Variants in TTLL5 observed in about 807,000 individuals in gnomAD.
TTLL5 encodes tubulin polyglutamylase TTLL5.
A neutral mutation model predicts 168.4 loss-of-function variants in TTLL5; 132 were observed. That is an observed-to-expected ratio of 0.78 (90% CI 0.68 to 0.91). The LOEUF is 0.91. Among genes scored for constraint, TTLL5 ranks in the 40% least tolerant of loss-of-function variants. The pLI, the probability that TTLL5 is intolerant of heterozygous loss-of-function variation, is 0.00. For missense variants in TTLL5, 1,545 were observed against 1,581.5 expected, an observed-to-expected ratio of 0.98 and a Z score of 0.39; for synonymous variants, 546 against 558.6, an observed-to-expected ratio of 0.98 and a Z score of 0.32.
rs1264941240 is a variant in TTLL5, at chr14:75,826,858, G to GAA, written c.3326+6697_3326+6698insAA. On this transcript the variant is annotated intron_variant, in intron 28 of 31. Transcript: ENST00000298832. ...AGAACATTGATGATCCATATTTAAA[G>GAA]CTTACCTAGTATTGACTCAACAAAT... is the stretch of plus-strand genomic sequence containing the variant. Among the ~76,000 whole-genome samples, 3 of 152,096 alleles carry GAA rather than the reference G, an allele frequency of 2.0e-5. No homozygotes were observed. The East Asian group carries it at 5.8e-4, about 29-fold the overall frequency.
At chr14:75,780,268 G>A (rs989184359) in intron 24 of TTLL5, among the ~76,000 whole-genome samples, 9 of 152,094 alleles carry the variant, frequency 5.9e-5, no homozygotes, top group African/African-American at 9.7e-5. Context: ...ATTCTTTGTC[G>A]TGTGGGGCTG....
At chr14:75,727,023 C>G (rs373435630) in intron 12 of TTLL5, among the ~76,000 whole-genome samples, 1 of 152,266 alleles carries the variant, frequency 6.6e-6, no homozygotes, top group East Asian at 1.9e-4. Context: ...CTGCCTACCT[C>G]TATGTGACTG....
intron 15 of TTLL5, among the ~76,000 whole-genome samples, chr14:75,738,586 C>G (rs1033269471): frequency 2.0e-5 from 3 of 152,114 alleles, no homozygotes; most frequent in Non-Finnish European, 4.4e-5. Context: ...ATTCGAAACT[C>G]TATAATATGT....
At chr14:75,773,967 G>GAGAAAGAGAGAA (rs1566598271) in intron 21 of TTLL5, among the ~76,000 whole-genome samples, 3 of 101,564 alleles carry the variant, frequency 3.0e-5, no homozygotes, top group African/African-American at 1.2e-4. Context: ...AAGAGAGAGA[G>GAGAAAGAGAGAA]AGAGAGAGAG....
Position 75,766,203 on chromosome 14 carries a change from A to C in TTLL5, c.1850A>C (p.Lys617Thr). 6.2e-7 allele frequency: 1 copy of C among 1,614,088 alleles called. No individual in the cohort carries two copies. The highest frequency in any genetic ancestry group is 1.3e-5 in the African/African-American group (1 of 75,024). Residue 617 changes from lysine (K) to threonine (T), a missense_variant, in exon 20 of 32, where the codon AAA becomes ACA. Physicochemically the swap from Lys to Thr is moderately conservative, Grantham distance 78 (BLOSUM62 -1). Transcript: ENST00000298832. ...GGATTTCTTAGAGAAAATCAAGCCA[A>C]ATATACACCCTCATTGACAGCTTTG... ...SAGFLRENQA[K>T]YTPSLTALVE...
At chr14:75,918,149 C>T (rs1337935801) in intron 31 of TTLL5, among the ~76,000 whole-genome samples, 1 of 152,162 alleles carries the variant, frequency 6.6e-6, no homozygotes, top group African/African-American at 2.4e-5. Context: ...AATCTGTCCC[C>T]CTTTCAAAAA....
chr14:75,947,772 G>A (rs571518346), intron 31 of TTLL5, among the ~76,000 whole-genome samples: 2 of 151,886 alleles, frequency 1.3e-5, no homozygotes, highest in East Asian at 1.9e-4. Flanking sequence ...AAGTGAGACC[G>A]TCTCTCCAAA....
chr14:75,948,119 A>G (rs548278902), intron 31 of TTLL5, among the ~76,000 whole-genome samples: 1 of 152,192 alleles, frequency 6.6e-6, no homozygotes, highest in African/African-American at 2.4e-5. Context: ...TTCCTTGACC[A>G]TAACGCAATA....
At chr14:75,662,879 A>G (rs547542486) in intron 1 of TTLL5, among the ~76,000 whole-genome samples, 176 bp from the exon 2 acceptor site, 1 of 152,360 alleles carries the variant, frequency 6.6e-6, no homozygotes, top group African/African-American at 2.4e-5. Context: ...TTTTTGTGGC[A>G]TATTGAGGCA....
intron 3 of TTLL5, among the ~76,000 whole-genome samples, chr14:75,670,833 A>G (rs1883682567): frequency 6.6e-6 from 1 of 152,196 alleles, no homozygotes; most frequent in Admixed American, 6.5e-5. Flanking sequence ...TGATTTACAA[A>G]TATTCTTACT....
At chr14:75,873,792 T>C (rs1360033991) in intron 29 of TTLL5, among the ~76,000 whole-genome samples, 1 of 152,124 alleles carries the variant, frequency 6.6e-6, no homozygotes, top group Non-Finnish European at 1.5e-5. Context: ...TGTACAAATA[T>C]CTCTTATGTA....
At position 75,954,476 on chromosome 14, in the gene TTLL5, C is replaced by T. The variant is rs776011092; in HGVS notation, c.*30C>T. Reference sequence around the variant, plus strand: ...CAAACACACAGAGAAACAACCTGTTCACCACTCCTGGGTGCATGATTGAGG... The same window carrying T: ...CAAACACACAGAGAAACAACCTGTTTACCACTCCTGGGTGCATGATTGAGG... On this transcript the variant is annotated 3_prime_UTR_variant, in exon 32 of 32. Coordinates refer to ENST00000298832, the MANE Select transcript of TTLL5 (RefSeq NM_015072.5). 5.3e-5 allele frequency: 86 copies of T among 1,612,802 alleles called. No homozygotes were observed. Among genetic ancestry groups the T allele is most frequent in the Non-Finnish European group, 7.2e-5 (85 of 1,179,086 alleles).
At chr14:75,690,650 G>T (rs1307442899) in intron 6 of TTLL5, among the ~76,000 whole-genome samples, 3 of 150,432 alleles carry the variant, frequency 2.0e-5, no homozygotes, top group Non-Finnish European at 4.4e-5. Context: ...AAGAGACAGA[G>T]CCTCCCTCTG....
At chr14:75,739,413 A>G (rs1328660550) in intron 15 of TTLL5, among the ~76,000 whole-genome samples, 1 of 152,150 alleles carries the variant, frequency 6.6e-6, no homozygotes, top group Non-Finnish European at 1.5e-5. Context: ...GTAAAAAAAA[A>G]AATTTCTTTG....
chr14:75,754,492 C>G (rs936401068), intron 18 of TTLL5, among the ~76,000 whole-genome samples: 8 of 152,116 alleles, frequency 5.3e-5, no homozygotes, highest in African/African-American at 1.2e-4. Flanking sequence ...GGACACTGCA[C>G]TTGAGGCTGG....
intron 15 of TTLL5, among the ~76,000 whole-genome samples, chr14:75,740,689 T>G (rs1765506087): frequency 6.6e-6 from 1 of 152,184 alleles, no homozygotes; most frequent in South Asian, 2.1e-4. Context: ...ATTTTTTTGG[T>G]CCATTTCCAT....
At chr14:75,930,580 A>G (rs552348564) in intron 31 of TTLL5, 1 of 983,972 alleles carries the variant, frequency 1.0e-6, no homozygotes, top group South Asian at 4.7e-5. Context: ...TTAATTAAAT[A>G]TCTACTGACG....
At position 75,798,330 on chromosome 14, in the gene TTLL5, C is replaced by G. The variant is rs1038157197; in HGVS notation, c.3171+5230C>G. On this transcript the variant is annotated intron_variant, in intron 27 of 31. Coordinates refer to ENST00000298832, the MANE Select transcript of TTLL5 (RefSeq NM_015072.5). ...CTAATTGAGTTTATTTGGATCTTCT[C>G]TCTTCTTTTCTTCTTCTCTTCTAAT... Among the ~76,000 whole-genome samples, 4 of 151,622 alleles carry G rather than the reference C, an allele frequency of 2.6e-5. No homozygotes were observed. The South Asian group carries it at 8.3e-4, about 32-fold the overall frequency.
intron 31 of TTLL5, among the ~76,000 whole-genome samples, chr14:75,920,333 T>C (rs190386956): frequency 3.0e-4 from 45 of 152,302 alleles, no homozygotes; most frequent in African/African-American, 1.1e-3. Flanking sequence ...GATACATAGG[T>C]ATACATGTGC....
Sources: gnomAD v4.1 joint callset for allele counts (sites outside exome capture counted in the v4.1 genomes callset) on GRCh38, gnomAD v4.1.1 for gene constraint, MANE v1.5 for transcripts, NCBI Gene and HGNC (gene_info 2026-07-23, HGNC 2026-07-21) for gene names.